ZNF185: variants seen among roughly 807,000 people sequenced by gnomAD.
ZNF185 encodes zinc finger protein 185.
ZNF185 carries 56 observed loss-of-function variants against 58.6 expected under a neutral mutation model. The ratio of observed to expected loss-of-function variants is 0.95; its 90% CI spans 0.77 to 1.19. The LOEUF is 1.19. ZNF185 is among the 50% of genes most tolerant of loss of function. The pLI, the probability that ZNF185 is intolerant of heterozygous loss-of-function variation, is 0.00. For missense variants in ZNF185, 627 were observed against 573.5 expected, an observed-to-expected ratio of 1.09 and a Z score of -0.95; for synonymous variants, 230 against 215.9, an observed-to-expected ratio of 1.07 and a Z score of -0.57.
At chrX:152,952,536 C>T (rs1556900895) in intron 16 of ZNF185, among the ~76,000 whole-genome samples, 1 of 111,730 alleles carries the variant, frequency 9.0e-6, no homozygotes, top group Non-Finnish European at 1.9e-5. Context: ...GATCTAATGG[C>T]GAGCCCTCAA....
upstream of ZNF185, among the ~76,000 whole-genome samples, chrX:152,910,712 T>A (rs1215921884): frequency 8.9e-6 from 1 of 112,349 alleles, no homozygotes; most frequent in Non-Finnish European, 1.9e-5. Flanking sequence ...GCTACTTGGC[T>A]GCGAGGGGAA....
At chrX:152,914,503 C>T (rs1556863853) in exon 1 of ZNF185, 4 of 1,185,609 alleles carry the variant, frequency 3.4e-6, no homozygotes, top group South Asian at 3.7e-5. Flanking sequence ...AGTATCTCAG[C>T]TCTTGGAGGC....
intron 3 of ZNF185, among the ~76,000 whole-genome samples, chrX:152,915,775 C>A (rs186341115): frequency 2.7e-5 from 3 of 112,506 alleles, no homozygotes; most frequent in South Asian, 3.7e-4. Flanking sequence ...TCTAGGGGGG[C>A]TCTGAAGCGT....
At chrX:152,932,816 G>C (rs1312745584) in intron 13 of ZNF185, 57 bp from the exon 15 acceptor site, 3 of 884,313 alleles carry the variant, frequency 3.4e-6, no homozygotes, top group East Asian at 3.4e-5. Flanking sequence ...ATGGCATCTG[G>C]GTTAGATGAG....
At chrX:152,904,063 A>G in the ZNF185 span, among the ~76,000 whole-genome samples, 1 of 111,588 alleles carries the variant, frequency 9.0e-6, no homozygotes, top group Non-Finnish European at 1.9e-5. Flanking sequence ...TCCATATTAT[A>G]TTTTCCCCTC....
chrX:152,958,959 T>A (rs1354590599), intron 16 of ZNF185, among the ~76,000 whole-genome samples: 2 of 112,215 alleles, frequency 1.8e-5, no homozygotes, highest in African/African-American at 6.5e-5. Context: ...CCGCAGACTC[T>A]GCCTGCGGTG....
intron 17 of ZNF185, among the ~76,000 whole-genome samples, chrX:152,962,063 C>T (rs1172201938): frequency 9.0e-6 from 1 of 111,515 alleles, no homozygotes; most frequent in African/African-American, 3.3e-5. Flanking sequence ...CGGCTGAGAC[C>T]TGAAACATCT....
At chrX:152,911,931 C>CCCATCCCATCCATCCCATCCCAT (rs1556862057), upstream of ZNF185, among the ~76,000 whole-genome samples, 13 of 94,204 alleles carry the variant, frequency 1.4e-4, no homozygotes, top group Non-Finnish European at 2.7e-4. Context: ...ATCCGTCCAT[C>CCCATCCCATCCATCCCATCCCAT]CCATCCCATC....
Position 152,928,572 on chromosome X carries a change from C to A in ZNF185, c.831-3C>A. 1 of 1,211,595 alleles carries A rather than the reference C, an allele frequency of 8.3e-7. No homozygotes were observed. The highest frequency in any genetic ancestry group is 1.1e-6 in the Non-Finnish European group (1 of 895,248). On this transcript the variant is annotated splice_polypyrimidine_tract_variant and splice_region_variant and intron_variant, in intron 11 of 22. Coordinates refer to ENST00000449285, the Ensembl canonical transcript of ZNF185. ...CCCACTGGGTCTCTCCTTTGGCCCG[C>A]AGCTCAAGAGGTGAGGAAATTGTCC...
At chrX:152,917,600 C>A (rs1319541024) in intron 5 of ZNF185, among the ~76,000 whole-genome samples, 1 of 111,785 alleles carries the variant, frequency 8.9e-6, no homozygotes, top group African/African-American at 3.3e-5. Context: ...GGGCCACTAA[C>A]AGTGTCCTTG....
chrX:152,926,428 G>C (rs1940873525), intron 11 of ZNF185, among the ~76,000 whole-genome samples: 2 of 112,406 alleles, frequency 1.8e-5, no homozygotes, highest in African/African-American at 6.5e-5. Context: ...ATCTCCACCT[G>C]CTGGCATTTG....
intron 11 of ZNF185, among the ~76,000 whole-genome samples, chrX:152,923,017 G>T (rs1397325075): frequency 8.9e-6 from 1 of 112,479 alleles, no homozygotes; most frequent in East Asian, 2.8e-4. Context: ...GTGCTCTCTT[G>T]TCTGTGGACA....
At chrX:152,957,755 C>T (rs1254027297) in intron 16 of ZNF185, among the ~76,000 whole-genome samples, 1 of 112,555 alleles carries the variant, frequency 8.9e-6, no homozygotes, top group Non-Finnish European at 1.9e-5. Flanking sequence ...CCTAAGGTAC[C>T]CCTCGACACA....
At chrX:152,931,829 A>G in intron 13 of ZNF185, 53 bp downstream of exon 14, 1 of 1,060,927 alleles carries the variant, frequency 9.4e-7, no homozygotes, top group Non-Finnish European at 1.3e-6. Context: ...GAGCCCACAT[A>G]CACCCAGCTG....
intron 1 of ZNF185, 65 bp downstream of exon 2, chrX:152,914,588 T>G (rs1603145092): frequency 8.7e-7 from 1 of 1,149,417 alleles, no homozygotes; most frequent in East Asian, 3.2e-5. Flanking sequence ...AGCCTGCCCC[T>G]ACAGGCCACA....
At chrX:152,917,474 C>T in intron 5 of ZNF185, 112 bp downstream of exon 6, 1 of 939,642 alleles carries the variant, frequency 1.1e-6, no homozygotes, top group Non-Finnish European at 1.5e-6. Flanking sequence ...CTTGGAGGTG[C>T]CAGCTTTCAT....
chrX:152,946,565 G>A (rs1445794397), intron 16 of ZNF185, among the ~76,000 whole-genome samples: 1 of 111,534 alleles, frequency 9.0e-6, no homozygotes, highest in Admixed American at 9.6e-5. Flanking sequence ...ATGCAGAAGG[G>A]GTATAAAAAG....
upstream of ZNF185, chrX:152,914,331 C>A (rs1390195807): frequency 3.5e-5 from 17 of 486,124 alleles, no homozygotes; most frequent in Non-Finnish European, 5.8e-5. Context: ...ACGCTTGCCA[C>A]CCCCGATGTG....
At position 152,938,073 on chromosome X, in the gene ZNF185, G is replaced by C. The variant is rs985648083; in HGVS notation, c.1122-1G>C. The C allele has an allele frequency of 1.7e-6, 2 of 1,174,304 alleles. No homozygotes were observed. Among genetic ancestry groups the C allele is most frequent in the Non-Finnish European group, 2.3e-6 (2 of 876,611 alleles). On this transcript the variant is annotated splice_acceptor_variant, in intron 14 of 22. Coordinates refer to ENST00000449285, the Ensembl canonical transcript of ZNF185. LOFTEE classifies it high-confidence loss of function. ...CAGCAGGCCTGTGTTTCCTTCCTCA[G>C]CTCCAGTGCCACTTCAGTCTCTGCT...
Sources: gnomAD v4.1 joint callset for allele counts (sites outside exome capture counted in the v4.1 genomes callset) on GRCh38, gnomAD v4.1.1 for gene constraint, MANE v1.5 for transcripts, NCBI Gene and HGNC (gene_info 2026-07-23, HGNC 2026-07-21) for gene names.